Variants in SLC22A24 observed in about 807,000 individuals in gnomAD.
SLC22A24 encodes solute carrier family 22 member 24.
Under a neutral mutation model 49.8 loss-of-function variants are expected in SLC22A24, and 53 were observed. That is an observed-to-expected ratio of 1.06 (90% CI 0.85 to 1.34). SLC22A24 has a LOEUF of 1.34. Among genes scored for constraint, SLC22A24 ranks in the 40% most tolerant of loss-of-function variants. The pLI is 0.00. For synonymous variants in SLC22A24, 302 were observed against 256.4 expected (o/e 1.18, Z -1.70); for missense variants, 786 against 675.9 (o/e 1.16, Z -1.81).
chr11:63,097,416 C>G (rs541921594), intron 5 of SLC22A24, among the ~76,000 whole-genome samples: 2 of 152,116 alleles, frequency 1.3e-5, no homozygotes, highest in Non-Finnish European at 1.5e-5. Context: ...ATTAAAAAGT[C>G]AGGAAACAAC....
At chr11:63,085,978 C>G (rs2086984903) in intron 6 of SLC22A24, among the ~76,000 whole-genome samples, 1 of 152,090 alleles carries the variant, frequency 6.6e-6, no homozygotes, top group Non-Finnish European at 1.5e-5. Context: ...AACTTCTTTA[C>G]AAGGAGATCC....
intron 1 of SLC22A24, among the ~76,000 whole-genome samples, chr11:63,139,785 C>T (rs2087401621): frequency 6.6e-6 from 1 of 152,108 alleles, no homozygotes; most frequent in Admixed American, 6.5e-5. Context: ...GTGATTAGGC[C>T]CTAGAAATGC....
chr11:63,116,246 A>G (rs1458674771), intron 4 of SLC22A24: 1 of 330,422 alleles, frequency 3.0e-6, no homozygotes, highest in Non-Finnish European at 5.7e-6. Context: ...CACCCTTAAG[A>G]GATTCATATC....
chr11:63,099,650 A>C (rs572616930), intron 5 of SLC22A24, among the ~76,000 whole-genome samples: 2 of 152,204 alleles, frequency 1.3e-5, no homozygotes, highest in Admixed American at 1.3e-4. Context: ...AATATCCCTG[A>C]TGAATATTGA....
At chr11:63,108,704 TC>T (rs771400875) in intron 4 of SLC22A24, among the ~76,000 whole-genome samples, 2 of 152,162 alleles carry the variant, frequency 1.3e-5, no homozygotes, top group Non-Finnish European at 2.9e-5. Context: ...TTTTAGATTT[TC>T]TAGTTTATTT....
chr11:63,080,779 G>A, intron 9 of SLC22A24, 141 bp downstream of exon 9: 2 of 682,510 alleles, frequency 2.9e-6, no homozygotes, highest in Middle Eastern at 4.1e-4. Context: ...TGAACTAAAG[G>A]ACATGGTGAC....
chr11:63,122,503 G>A (rs555351190), intron 2 of SLC22A24, among the ~76,000 whole-genome samples: 8 of 152,282 alleles, frequency 5.3e-5, no homozygotes, highest in South Asian at 4.1e-4. Context: ...GAAGGTTTAT[G>A]TGCATTTAAA....
At chr11:63,100,039 T>C (rs1162999741) in intron 5 of SLC22A24, among the ~76,000 whole-genome samples, 1 of 152,134 alleles carries the variant, frequency 6.6e-6, no homozygotes, top group Non-Finnish European at 1.5e-5. Context: ...TCATTTTCAC[T>C]ACTGTTTTTC....
chr11:63,113,223 TATATAC>T (rs1185937921), intron 4 of SLC22A24, among the ~76,000 whole-genome samples: 1 of 10,994 alleles, frequency 9.1e-5, no homozygotes, highest in Non-Finnish European at 3.7e-4. Flanking sequence ...CACATATATA[TATATAC>T]ATATATATAT....
chr11:63,137,574 A>G (rs1335077653), intron 1 of SLC22A24, among the ~76,000 whole-genome samples: 1 of 152,196 alleles, frequency 6.6e-6, no homozygotes, highest in African/African-American at 2.4e-5. Context: ...ACCAACAGGA[A>G]AAATGTTTGA....
At chr11:63,120,877 T>G (rs2087247130) in intron 2 of SLC22A24, among the ~76,000 whole-genome samples, 1 of 152,124 alleles carries the variant, frequency 6.6e-6, no homozygotes, top group East Asian at 1.9e-4. Context: ...TAAAAAAAGA[T>G]CTATGATACA....
At chr11:63,135,183 G>A (rs545390001) in intron 1 of SLC22A24, among the ~76,000 whole-genome samples, 1 of 152,156 alleles carries the variant, frequency 6.6e-6, no homozygotes, top group Non-Finnish European at 1.5e-5. Flanking sequence ...TTCTAAGAAG[G>A]CTTCCCTCAT....
chr11:63,126,987 T>A (rs567138867), intron 2 of SLC22A24, among the ~76,000 whole-genome samples: 1 of 152,278 alleles, frequency 6.6e-6, no homozygotes, highest in African/African-American at 2.4e-5. Context: ...TTGTGATTTT[T>A]AAAAATTATA....
At position 63,094,972 on chromosome 11, in the gene SLC22A24, G is replaced by A. The variant is rs926546544; in HGVS notation, c.1070+1019C>T. On this transcript the variant is annotated intron_variant, in intron 6 of 9. Transcript: ENST00000612278. The stretch of plus-strand genomic sequence containing the variant: ...TGGTAGTTTCTTTTGCTGTGCAGAA[G>A]CTCTTTAGTTTAATTAGATCCCATT... Among the ~76,000 whole-genome samples, 551 of 152,080 alleles carry A rather than the reference G, an allele frequency of 3.6e-3. 4 individuals carry two copies. The highest frequency in any genetic ancestry group is 0.013 in the African/African-American group (533 of 41,514).
intron 2 of SLC22A24, among the ~76,000 whole-genome samples, chr11:63,120,087 C>T (rs10897368): frequency 1 from 149,993 of 150,584 alleles, 74,706 homozygotes; most frequent in Middle Eastern, 1. Flanking sequence ...TTCACTCTGA[C>T]GGTAGTTTCT....
At chr11:63,128,337 A>G (rs2087307449) in intron 2 of SLC22A24, among the ~76,000 whole-genome samples, 1 of 152,072 alleles carries the variant, frequency 6.6e-6, no homozygotes, top group Non-Finnish European at 1.5e-5. Context: ...CCTGTTACCT[A>G]GCGGACCTTG....
chr11:63,122,817 G>A (rs144525262), intron 2 of SLC22A24, among the ~76,000 whole-genome samples: 436 of 152,244 alleles, frequency 2.9e-3, no homozygotes, highest in Non-Finnish European at 4.7e-3. Flanking sequence ...ACTGTGCCTG[G>A]CCTATTTTAT....
At chr11:63,136,947 G>T (rs757982146) in intron 1 of SLC22A24, among the ~76,000 whole-genome samples, 2 of 152,138 alleles carry the variant, frequency 1.3e-5, no homozygotes, top group African/African-American at 2.4e-5. Flanking sequence ...TCTATCAGAG[G>T]GTGTCTGTCT....
intron 2 of SLC22A24, among the ~76,000 whole-genome samples, chr11:63,123,554 A>G (rs2087267082): frequency 6.6e-6 from 1 of 152,212 alleles, no homozygotes; most frequent in Non-Finnish European, 1.5e-5. Context: ...ATGCATGTCT[A>G]ATAGGCAACT....
Sources: gnomAD v4.1 joint callset for allele counts (sites outside exome capture counted in the v4.1 genomes callset) on GRCh38, gnomAD v4.1.1 for gene constraint, MANE v1.5 for transcripts, NCBI Gene and HGNC (gene_info 2026-07-23, HGNC 2026-07-21) for gene names.